The following SCML2 variants were observed in gnomAD, a reference collection of about 807,000 sequenced individuals.
The protein encoded by SCML2 is sex comb on midleg-like protein 2.
SCML2 carries 6 observed loss-of-function variants against 48.4 expected under a neutral mutation model. That is an observed-to-expected ratio of 0.12 (90% CI 0.07 to 0.24). The LOEUF is 0.24. Among genes scored for constraint, SCML2 ranks in the 10% least tolerant of loss-of-function variants. SCML2 has a pLI of 1.00. For synonymous variants in SCML2, 181 were observed against 189.5 expected, an observed-to-expected ratio of 0.95 and a Z score of 0.37; for missense variants, 377 against 528.2, an observed-to-expected ratio of 0.71 and a Z score of 2.81.
rs1006443245 is a variant in SCML2, at chrX:18,340,532, G to A, written c.-24-6437C>T. On this transcript the variant is annotated intron_variant, in intron 1 of 14. Coordinates refer to ENST00000251900, the MANE Select transcript of SCML2 (RefSeq NM_006089.3). ...AATCTAACATGTGATAAACAAGGCC[G>A]GATGTGGTGGCTCACGCCTGTAATC... Among the ~76,000 whole-genome samples, 10 of 112,400 alleles carry A rather than the reference G, an allele frequency of 8.9e-5. No individual in the cohort carries two copies. The South Asian group carries it at 1.8e-3, about 20-fold the overall frequency.
chrX:18,324,977 T>C lies in SCML2; in HGVS notation c.92A>G (p.Asp31Gly), dbSNP rs1253445627. 8.4e-6 allele frequency: 10 copies of C among 1,189,138 alleles called. No homozygotes were observed. The highest frequency in any genetic ancestry group is 3.5e-5 in the African/African-American group (2 of 57,274). ...CAAATACTCCTCCCAGTGGAAATCA[T>C]CTGGAAAAAACACATGTGCAAAATA... ...PQSSTSSVQRDDFHWEEYLKE... is the reference protein window; with the variant it reads ...PQSSTSSVQRGDFHWEEYLKE... The change falls in exon 4 of 15, where the codon GAT becomes GGT. Residue 31 changes from aspartate (D) to glycine (G), a missense_variant and splice_region_variant. By Grantham distance (94) the Asp-to-Gly change is moderately conservative. Coordinates refer to ENST00000251900, the MANE Select transcript of SCML2 (RefSeq NM_006089.3).
chrX:18,268,143 C>T (rs753593548), intron 7 of SCML2, among the ~76,000 whole-genome samples: 2 of 112,285 alleles, frequency 1.8e-5, no homozygotes, highest in South Asian at 7.4e-4. Context: ...TTTAAGTTCC[C>T]ATCTCCCTTT....
chrX:18,332,199 T>C (rs1287667611), intron 2 of SCML2, among the ~76,000 whole-genome samples: 3 of 112,631 alleles, frequency 2.7e-5, no homozygotes, highest in African/African-American at 6.4e-5. Flanking sequence ...ACGGATCACA[T>C]AGAGAAATCA....
Position 18,241,291 on chromosome X carries a change from C to T in SCML2, c.2063G>A (p.Cys688Tyr). The T allele has an allele frequency of 8.3e-7, 1 of 1,202,694 alleles. No homozygotes were observed. The highest frequency in any genetic ancestry group is 1.1e-6 in the Non-Finnish European group (1 of 890,473). Residue 688 changes from cysteine to tyrosine, a missense_variant, in exon 15 of 15, where the codon TGT becomes TAT. Cys to Tyr is a radical substitution (Grantham distance 194). Coordinates refer to ENST00000251900, the MANE Select transcript of SCML2 (RefSeq NM_006089.3). ...GLKLGPALKL[C>Y]YYIEKLKEGK... ...TTCTTTAAGCTTTTCAATGTAGTAACACAGCTTTAATGCTGGCCCCAGCTT... is the reference window on the plus strand; with the variant it reads ...TTCTTTAAGCTTTTCAATGTAGTAATACAGCTTTAATGCTGGCCCCAGCTT...
intron 1 of SCML2, among the ~76,000 whole-genome samples, chrX:18,339,544 C>A (rs1465025879): frequency 9.0e-6 from 1 of 111,014 alleles, no homozygotes; most frequent in Non-Finnish European, 1.9e-5. Context: ...ACCATCACTA[C>A]AGAAAAATAA....
intron 6 of SCML2, among the ~76,000 whole-genome samples, chrX:18,315,101 CAAAAAAA>C (rs761378739): frequency 5.8e-3 from 137 of 23,425 alleles, no homozygotes; most frequent in African/African-American, 0.018. Context: ...TCTGTCTCAC[CAAAAAAA>C]AAAAAAAAAA....
At chrX:18,293,324 T>C (rs892065024) in intron 7 of SCML2, among the ~76,000 whole-genome samples, 5 of 111,474 alleles carry the variant, frequency 4.5e-5, no homozygotes, top group African/African-American at 1.6e-4. Flanking sequence ...CCATAATTAA[T>C]AAGCGATGCC....
At chrX:18,339,677 A>G (rs1405928526) in intron 1 of SCML2, among the ~76,000 whole-genome samples, 2 of 111,985 alleles carry the variant, frequency 1.8e-5, no homozygotes, top group African/African-American at 6.5e-5. Flanking sequence ...TCACACCACC[A>G]CTTCACTCCA....
intron 11 of SCML2, among the ~76,000 whole-genome samples, chrX:18,248,266 G>A (rs1926524982): frequency 9.0e-6 from 1 of 111,589 alleles, no homozygotes; most frequent in African/African-American, 3.3e-5. Flanking sequence ...ATAATATAAT[G>A]AACATCCATT....
rs201645302 is a variant in SCML2, at chrX:18,305,257, T to C, written c.487-42A>G. 4.0e-4 allele frequency: 452 copies of C among 1,142,072 alleles called. No homozygotes were observed. The African/African-American group carries it at 7.9e-3, about 20-fold the overall frequency. The allele number at this position is 1,142,072 out of a possible 1,213,427, so 94.1% of individuals were successfully genotyped here. On this transcript the variant is annotated intron_variant, in intron 6 of 14. Transcript: ENST00000251900. ...AAAAAAAAAGATTTCATTGTTAAGA[T>C]GTATTAAGACTCATGTGCTCGAAGT...
At chrX:18,285,036 G>A (rs1416928640) in intron 7 of SCML2, among the ~76,000 whole-genome samples, 19 of 77,662 alleles carry the variant, frequency 2.4e-4, no homozygotes, top group Non-Finnish European at 4.6e-4. Flanking sequence ...GCGCAACTCC[G>A]CCTCAAAAAA....
chrX:18,299,310 G>A (rs1394942458), intron 7 of SCML2, among the ~76,000 whole-genome samples: 2 of 110,307 alleles, frequency 1.8e-5, no homozygotes, highest in Admixed American at 9.6e-5. Context: ...TCAGGAGATC[G>A]AGACCATACT....
Position 18,240,134 on chromosome X carries a change from T to C in SCML2, c.*1117A>G, listed in dbSNP as rs1208337075. 1 of 112,431 alleles carries C rather than the reference T, an allele frequency of 8.9e-6. No homozygotes were observed. The highest frequency in any genetic ancestry group is 2.8e-4 in the East Asian group (1 of 3,605). The allele number at this position is 112,431 out of a possible 1,213,427, so 9.3% of individuals were successfully genotyped here. ...CCCTGTATGGAAACCAATCTACAGA[T>C]TGTTTCATATCCCCTGAAGAGTAAG... On this transcript the variant is annotated 3_prime_UTR_variant, in exon 15 of 15. Coordinates refer to ENST00000251900, the MANE Select transcript of SCML2 (RefSeq NM_006089.3).
At chrX:18,249,033 G>A (rs752698647) in intron 11 of SCML2, among the ~76,000 whole-genome samples, 25 of 111,502 alleles carry the variant, frequency 2.2e-4, no homozygotes, top group Non-Finnish European at 4.1e-4. Flanking sequence ...GAGATAACTA[G>A]GAAAAGCCAG....
chrX:18,244,837 G>T (rs1163689089), intron 13 of SCML2, among the ~76,000 whole-genome samples: 1 of 111,550 alleles, frequency 9.0e-6, no homozygotes, highest in Non-Finnish European at 1.9e-5. Context: ...ACAGGAAATT[G>T]TGTGAGCATC....
At chrX:18,260,335 T>C (rs1392917250) in intron 8 of SCML2, 44 bp from the exon 9 acceptor site, 2 of 984,679 alleles carry the variant, frequency 2.0e-6, no homozygotes, top group Admixed American at 3.1e-5. Context: ...ACAATACTCA[T>C]TAATATATTC....
intron 11 of SCML2, among the ~76,000 whole-genome samples, chrX:18,251,988 C>A (rs1926680652): frequency 8.9e-6 from 1 of 112,488 alleles, no homozygotes; most frequent in African/African-American, 3.2e-5. Flanking sequence ...ACCTTGAAAA[C>A]ATAGGGTGGG....
chrX:18,340,736 G>A (rs902627401), intron 1 of SCML2, among the ~76,000 whole-genome samples: 2 of 107,318 alleles, frequency 1.9e-5, no homozygotes, highest in Non-Finnish European at 3.8e-5. Context: ...CTTGAACCCA[G>A]GAGACAGAGG....
At chrX:18,288,891 T>C (rs1928142076) in intron 7 of SCML2, among the ~76,000 whole-genome samples, 1 of 111,310 alleles carries the variant, frequency 9.0e-6, no homozygotes, top group Non-Finnish European at 1.9e-5. Context: ...TATTTGCATT[T>C]GTTGGTTTAA....
Sources: allele counts gnomAD v4.1 joint callset (sites outside exome capture counted in the v4.1 genomes callset), GRCh38; gene constraint gnomAD v4.1.1; transcripts MANE v1.5; gene names NCBI Gene and HGNC (gene_info 2026-07-23, HGNC 2026-07-21).